AACS: variants seen among roughly 807,000 people sequenced by gnomAD.
AACS encodes acetoacetate-CoA ligase.
AACS carries 69 observed loss-of-function variants against 83.1 expected under a neutral mutation model. That is an observed-to-expected ratio of 0.83 (90% CI 0.68 to 1.01). The LOEUF is 1.01. Among genes scored for constraint, AACS ranks in the 50% least tolerant of loss-of-function variants. The probability of loss-of-function intolerance (pLI) is 0.00; values close to 1 mark genes in which losing one functional copy is unlikely to be tolerated. For missense variants in AACS, 866 were observed against 882.2 expected (o/e 0.98, Z 0.23); for synonymous variants, 333 against 343.4 (o/e 0.97, Z 0.33).
chr12:125,141,578 T>A (rs1177740654), intron 17 of AACS: 1 of 152,272 alleles, frequency 6.6e-6, no homozygotes, highest in Non-Finnish European at 1.5e-5. Flanking sequence ...GTGCCTATGG[T>A]CCCAGCTACT....
chr12:125,109,473 G>T (rs1262497293), intron 8 of AACS, among the ~76,000 whole-genome samples: 1 of 152,166 alleles, frequency 6.6e-6, no homozygotes, highest in African/African-American at 2.4e-5. Flanking sequence ...CTCTCTCAGC[G>T]TATATACACA....
In AACS at chr12:125,097,970, G is replaced by A. The variant is rs139778074; in HGVS notation, c.571-4709G>A. On this transcript the variant is annotated intron_variant, in intron 5 of 17. Coordinates refer to ENST00000316519, the MANE Select transcript of AACS (RefSeq NM_023928.5). This position sits in a 1 kb window ranked among gnomAD's most constrained non-coding sequence, Gnocchi z 4.3. ...ACTGCCATCTCTCACGCGTGCCGTCGTAGTAGCTTCCGACCAGTCTCATTT... is the reference window on the plus strand; with the variant it reads ...ACTGCCATCTCTCACGCGTGCCGTCATAGTAGCTTCCGACCAGTCTCATTT... 4.6e-5 allele frequency among the ~76,000 whole-genome samples: 7 copies of A among 152,320 alleles called. No homozygotes were observed. Among genetic ancestry groups the A allele is most frequent in the South Asian group, 4.1e-4 (2 of 4,830 alleles).
chr12:125,076,935 G>A (rs762754416), intron 3 of AACS, among the ~76,000 whole-genome samples: 3 of 152,088 alleles, frequency 2.0e-5, no homozygotes, highest in Non-Finnish European at 4.4e-5. Context: ...CAGAGGCCGG[G>A]TGTGGTGGCC....
At chr12:125,134,758 G>A in intron 15 of AACS, 36 bp from the exon 16 acceptor site, 1 of 1,613,822 alleles carries the variant, frequency 6.2e-7, no homozygotes, top group Admixed American at 1.7e-5. Context: ...TCACTCCAGA[G>A]CTGCGGTGTG....
chr12:125,125,903 A>G (rs1270473001), intron 12 of AACS: 4 of 152,084 alleles, frequency 2.6e-5, no homozygotes, highest in East Asian at 1.9e-4. Context: ...GGATGTGTAC[A>G]TGCACACTCA....
intron 9 of AACS, among the ~76,000 whole-genome samples, chr12:125,115,381 C>T (rs1220869417): frequency 6.6e-6 from 1 of 152,072 alleles, no homozygotes; most frequent in Non-Finnish European, 1.5e-5. Flanking sequence ...CTGCCTCAGC[C>T]TCCTGAGTAG....
chr12:125,119,134 T>C (rs1230802532), intron 10 of AACS, among the ~76,000 whole-genome samples: 1 of 152,252 alleles, frequency 6.6e-6, no homozygotes, highest in African/African-American at 2.4e-5. Context: ...TGTATACGTA[T>C]AGTGAAATGA....
Position 125,142,479 on chromosome 12 carries a change from AGT to A in AACS, c.*257_*258del, listed in dbSNP as rs1304069335. ...GCCGCAGGTGTGGCACTGTGGTGAG[AGT>A]GTGTGTCTTTGCACACACAGTGCAG... On this transcript the variant is annotated 3_prime_UTR_variant, in exon 18 of 18. Transcript: ENST00000316519. The A allele has an allele frequency of 1.1e-5, 6 of 525,478 alleles. No individual in the cohort carries two copies. Among genetic ancestry groups the A allele is most frequent in the East Asian group, 3.3e-5 (1 of 29,932 alleles). 32.6% of individuals were successfully genotyped at this position (525,478 alleles called of 1,614,324 possible). A position where few individuals can be genotyped will look rare whatever the true frequency, so the allele number is the denominator to read the frequency against.
At chr12:125,100,522 A>G (rs920639973) in intron 5 of AACS, among the ~76,000 whole-genome samples, 3 of 152,268 alleles carry the variant, frequency 2.0e-5, no homozygotes, top group Non-Finnish European at 2.9e-5. Context: ...CACCTAGCAC[A>G]TGGAATAAAC....
chr12:125,075,572 G>A (rs952576688), intron 2 of AACS, among the ~76,000 whole-genome samples: 4 of 150,074 alleles, frequency 2.7e-5, no homozygotes, highest in Non-Finnish European at 4.4e-5. Flanking sequence ...GATTACAGGC[G>A]TGAGCCACTG....
Position 125,065,631 on chromosome 12 carries a change from A to G in AACS, c.47A>G (p.Gln16Arg), listed in dbSNP as rs368846302. The G allele has an allele frequency of 1.9e-6, 3 of 1,539,388 alleles. No individual in the cohort carries two copies. The highest frequency in any genetic ancestry group is 2.6e-6 in the Non-Finnish European group (3 of 1,140,998). ...RPGREEILEC[Q>R]VMWEPDSKKN... ...GGTCGGGAGGAGATCCTGGAGTGCC[A>G]GGTGATGTGGGAGCCTGACAGTAAG... The change falls in exon 1 of 18, where the codon CAG becomes CGG. Residue 16 changes from glutamine (Q) to arginine (R), a missense_variant. Gln to Arg is a conservative substitution (Grantham distance 43). Transcript: ENST00000316519.
At position 125,076,485 on chromosome 12, in the gene AACS, C is replaced by T. The variant is rs752957982; in HGVS notation, c.238-6C>T. ...GTGCGTCTTGGTTTGTTGTCATTCT[C>T]TATAGGTTGTGGACACATCGAAAGG... On this transcript the variant is annotated splice_polypyrimidine_tract_variant and splice_region_variant and intron_variant, in intron 2 of 17. Transcript: ENST00000316519. 6.2e-7 allele frequency: 1 copy of T among 1,613,864 alleles called. No individual in the cohort carries two copies. Among genetic ancestry groups the T allele is most frequent in the Non-Finnish European group, 8.5e-7 (1 of 1,179,840 alleles).
At position 125,065,646 on chromosome 12, in the gene AACS, C is replaced by G; in HGVS notation, c.62C>G (p.Pro21Arg). The stretch of plus-strand genomic sequence containing the variant: ...CTGGAGTGCCAGGTGATGTGGGAGC[C>G]TGACAGTAAGAAGAACACGCAGATG... ...EILECQVMWE[P>R]DSKKNTQMDR... The change falls in exon 1 of 18, where the codon CCT becomes CGT. Residue 21 changes from proline (P) to arginine (R), a missense_variant. Pro to Arg is a moderately radical substitution (Grantham distance 103). Coordinates refer to ENST00000316519, the MANE Select transcript of AACS (RefSeq NM_023928.5). 6.5e-7 allele frequency: 1 copy of G among 1,546,730 alleles called. No individual in the cohort carries two copies. The highest frequency in any genetic ancestry group is 1.2e-5 in the South Asian group (1 of 83,546).
intron 12 of AACS, among the ~76,000 whole-genome samples, chr12:125,125,521 G>A (rs1298808654): frequency 6.6e-6 from 1 of 152,170 alleles, no homozygotes; most frequent in African/African-American, 2.4e-5. Flanking sequence ...GGTGACTTAG[G>A]GTTTTGACTG....
At chr12:125,128,354 T>C (rs1232733846) in intron 13 of AACS, 80 bp downstream of exon 13, 11 of 1,272,690 alleles carry the variant, frequency 8.6e-6, no homozygotes, top group Middle Eastern at 5.4e-4. Context: ...GTAACTTTGC[T>C]TGGACATAGT....
intron 17 of AACS, chr12:125,141,717 AAAAG>A (rs1323661417): frequency 2.9e-5 from 5 of 169,808 alleles, no homozygotes; most frequent in Admixed American, 6.2e-5. Flanking sequence ...AAAAGAAAAA[AAAAG>A]AAAAAAAGAA....
intron 3 of AACS, among the ~76,000 whole-genome samples, chr12:125,081,579 C>T (rs1956186651): frequency 6.6e-6 from 1 of 152,160 alleles, no homozygotes; most frequent in African/African-American, 2.4e-5. Flanking sequence ...TAATCCCCGT[C>T]GAGGCCATGC....
chr12:125,127,696 G>C (rs1957268188), intron 12 of AACS: 1 of 152,444 alleles, frequency 6.6e-6, no homozygotes, highest in African/African-American at 2.4e-5. Flanking sequence ...TGCCCACCTT[G>C]GCCTCCCAAA....
chr12:125,112,915 T>C (rs1956983718), intron 8 of AACS, among the ~76,000 whole-genome samples: 1 of 152,174 alleles, frequency 6.6e-6, no homozygotes. Context: ...GAGAATAGTA[T>C]GGGAGAAACT....
Sources: gnomAD v4.1 joint callset for allele counts (sites outside exome capture counted in the v4.1 genomes callset) on GRCh38, gnomAD v4.1.1 for gene constraint, Gnocchi (gnomAD v3.1) non-coding constraint, MANE v1.5 for transcripts, NCBI Gene and HGNC (gene_info 2026-07-23, HGNC 2026-07-21) for gene names.